KCNH8: variants seen among roughly 807,000 people sequenced by gnomAD.
KCNH8 encodes the protein voltage-gated delayed rectifier potassium channel KCNH8.
KCNH8 carries 70 observed loss-of-function variants against 103.6 expected under a neutral mutation model. That is an observed-to-expected ratio of 0.68 (90% CI 0.56 to 0.82). KCNH8 has a LOEUF of 0.82. KCNH8 is among the 40% of genes least tolerant of loss of function. The pLI is 0.00. For synonymous variants in KCNH8, 498 were observed against 489.4 expected (o/e 1.02, Z -0.23); for missense variants, 1,217 against 1,329.9 (o/e 0.92, Z 1.32).
intron 5 of KCNH8, among the ~76,000 whole-genome samples, chr3:19,375,964 C>T (rs1273591104): frequency 6.6e-6 from 1 of 152,112 alleles, no homozygotes; most frequent in Non-Finnish European, 1.5e-5. Flanking sequence ...GTTCTCAGAT[C>T]TCCAGCTGTG....
At chr3:19,453,825 C>A (rs975174992) in intron 10 of KCNH8, among the ~76,000 whole-genome samples, 12 of 152,228 alleles carry the variant, frequency 7.9e-5, no homozygotes, top group South Asian at 4.2e-4. Context: ...ATAAGCTACC[C>A]AGTTTACAGT....
In KCNH8 at chr3:19,472,854, T is replaced by C. The variant is rs1338556271; in HGVS notation, c.2040+15872T>C. Among the ~76,000 whole-genome samples, 9 of 152,324 alleles carry C rather than the reference T, an allele frequency of 5.9e-5. No homozygotes were observed. The East Asian group carries it at 1.5e-3, about 26-fold the overall frequency. On this transcript the variant is annotated intron_variant, in intron 11 of 15. Coordinates refer to ENST00000328405, the MANE Select transcript of KCNH8 (RefSeq NM_144633.3). Reference sequence around the variant, plus strand: ...ATAAGATTTAGTCAAATAAACAAAATACATCTCATCTTTTTTTACTTTCTA... The same window carrying C: ...ATAAGATTTAGTCAAATAAACAAAACACATCTCATCTTTTTTTACTTTCTA...
At chr3:19,183,784 C>G (rs1340363759) in intron 1 of KCNH8, among the ~76,000 whole-genome samples, 1 of 151,954 alleles carries the variant, frequency 6.6e-6, no homozygotes, top group Non-Finnish European at 1.5e-5. Flanking sequence ...GAGAAATGGA[C>G]CAACGCAATT....
At chr3:19,316,675 T>C (rs7618209) in intron 3 of KCNH8, among the ~76,000 whole-genome samples, 40,590 of 151,796 alleles carry the variant, frequency 0.27, 6,226 homozygotes, top group Non-Finnish European at 0.35. Flanking sequence ...TATTATTGAT[T>C]CTGCTCTTCA....
intron 2 of KCNH8, among the ~76,000 whole-genome samples, chr3:19,276,794 T>C (rs2064679499): frequency 6.6e-6 from 1 of 152,140 alleles, no homozygotes; most frequent in Non-Finnish European, 1.5e-5. Context: ...AAGAAAAGTA[T>C]GGAATGGTCT....
At chr3:19,255,357 C>T (rs999574449) in intron 2 of KCNH8, among the ~76,000 whole-genome samples, 2 of 152,146 alleles carry the variant, frequency 1.3e-5, no homozygotes, top group Non-Finnish European at 2.9e-5. Flanking sequence ...GCTTAAGATG[C>T]TTCTGGGCTG....
chr3:19,521,387 C>G (rs1034930899), intron 15 of KCNH8, among the ~76,000 whole-genome samples: 2 of 151,908 alleles, frequency 1.3e-5, no homozygotes, highest in Admixed American at 6.6e-5. Context: ...AATAATAGAA[C>G]CTGTAATCAA....
intron 7 of KCNH8, among the ~76,000 whole-genome samples, chr3:19,399,990 C>A (rs921273329): frequency 1.3e-5 from 2 of 151,866 alleles, no homozygotes; most frequent in Non-Finnish European, 2.9e-5. Context: ...ATGGCCTGAA[C>A]ATGTTTCTGT....
chr3:19,438,116 G>A (rs1048920301), intron 7 of KCNH8, 48 bp from the exon 8 acceptor site: 1 of 1,456,030 alleles, frequency 6.9e-7, no homozygotes, highest in Non-Finnish European at 9.6e-7. Context: ...TGTTAATACT[G>A]AGACTTTACT....
chr3:19,228,292 A>T (rs2063954921), intron 1 of KCNH8, among the ~76,000 whole-genome samples: 1 of 152,188 alleles, frequency 6.6e-6, no homozygotes, highest in African/African-American at 2.4e-5. Context: ...TTTGTGACAG[A>T]CTATATGGCC....
intron 11 of KCNH8, among the ~76,000 whole-genome samples, chr3:19,470,595 C>T (rs772392044): frequency 2.0e-5 from 3 of 152,062 alleles, no homozygotes; most frequent in Non-Finnish European, 2.9e-5. Context: ...GCAGAGTGAT[C>T]GGGGGCTTCA....
At chr3:19,280,925 G>A (rs2064747882) in intron 2 of KCNH8, among the ~76,000 whole-genome samples, 1 of 152,078 alleles carries the variant, frequency 6.6e-6, no homozygotes, top group African/African-American at 2.4e-5. Flanking sequence ...AGGAAATGCA[G>A]TTTGAATAAT....
intron 3 of KCNH8, among the ~76,000 whole-genome samples, chr3:19,285,969 C>T (rs891548862): frequency 1.2e-4 from 19 of 152,042 alleles, no homozygotes; most frequent in African/African-American, 3.1e-4. Flanking sequence ...TGAAGCAAAT[C>T]GTGAAAGATG....
chr3:19,363,702 A>C (rs1056144060), intron 5 of KCNH8, among the ~76,000 whole-genome samples: 4 of 152,148 alleles, frequency 2.6e-5, no homozygotes, highest in African/African-American at 9.7e-5. Context: ...GTAGCCCCCA[A>C]AAAGGTACTT....
chr3:19,334,308 C>T (rs1479093943), intron 3 of KCNH8, among the ~76,000 whole-genome samples: 2 of 152,088 alleles, frequency 1.3e-5, no homozygotes, highest in African/African-American at 2.4e-5. Context: ...CGCTACAACT[C>T]AGCAAGCAGA....
At chr3:19,255,843 A>G (rs7628012) in intron 2 of KCNH8, among the ~76,000 whole-genome samples, 14,101 of 152,116 alleles carry the variant, frequency 0.093, 2,125 homozygotes, top group African/African-American at 0.31. Flanking sequence ...AGGCTAGAAA[A>G]CCAGTTTCAA....
intron 7 of KCNH8, among the ~76,000 whole-genome samples, chr3:19,434,428 C>G (rs1031235832): frequency 6.6e-6 from 1 of 152,214 alleles, no homozygotes; most frequent in Non-Finnish European, 1.5e-5. Context: ...ACTTCTGAAA[C>G]TTATCCTGAT....
intron 11 of KCNH8, among the ~76,000 whole-genome samples, chr3:19,465,098 A>G (rs984945523): frequency 6.6e-6 from 1 of 152,196 alleles, no homozygotes; most frequent in Non-Finnish European, 1.5e-5. Context: ...ATCTTTAGCA[A>G]TTCATAAGTT....
At position 19,244,541 on chromosome 3, in the gene KCNH8, C is replaced by G. The variant is rs139306188; in HGVS notation, c.77-9113C>G. Among the ~76,000 whole-genome samples, 430 of 152,270 alleles carry G rather than the reference C, an allele frequency of 2.8e-3. 3 individuals carry two copies. The highest frequency in any genetic ancestry group is 9.5e-3 in the African/African-American group (395 of 41,554). ...CTGTTTTATATTCTTTGAGAAATCT[C>G]CAAACTGCTTTCCACAGTGGCTGAA... is the stretch of plus-strand genomic sequence containing the variant. On this transcript the variant is annotated intron_variant, in intron 1 of 15. Transcript: ENST00000328405.
Sources: gnomAD v4.1 joint callset for allele counts (sites outside exome capture counted in the v4.1 genomes callset) on GRCh38, gnomAD v4.1.1 for gene constraint, MANE v1.5 for transcripts, NCBI Gene and HGNC (gene_info 2026-07-23, HGNC 2026-07-21) for gene names.